Variants in SAMD3 observed in about 807,000 individuals in gnomAD.
SAMD3 encodes the protein sterile alpha motif domain-containing protein 3.
In SAMD3, 63 loss-of-function variants were observed where a neutral mutation model predicts 58.5. That is an observed-to-expected ratio of 1.08 (90% CI 0.88 to 1.33). The LOEUF is 1.33. Among genes scored for constraint, SAMD3 ranks in the 40% most tolerant of loss-of-function variants. The pLI, the probability that SAMD3 is intolerant of heterozygous loss-of-function variation, is 0.00. For synonymous variants in SAMD3, 220 were observed against 210.3 expected, an observed-to-expected ratio of 1.05 and a Z score of -0.40; for missense variants, 604 against 608.4, an observed-to-expected ratio of 0.99 and a Z score of 0.08.
Position 130,214,175 on chromosome 6 carries a change from A to T in SAMD3, c.269+162T>A, listed in dbSNP as rs540477132. Among the ~76,000 whole-genome samples, 20 of 152,290 alleles carry T rather than the reference A, an allele frequency of 1.3e-4. No individual in the cohort carries two copies. The South Asian group carries it at 3.9e-3, about 30-fold the overall frequency. On this transcript the variant is annotated intron_variant, in intron 4 of 11. Coordinates refer to ENST00000439090, the MANE Select transcript of SAMD3 (RefSeq NM_001017373.4). ...GAATAAAAACGTTTCTTGATTCTTA[A>T]AATTTTACAGTGTCCTTTGCTCAAA...
rs575044542 is a variant in SAMD3, at chr6:130,291,193, T to C, written c.-188+21785A>G. Reference sequence around the variant, plus strand: ...GGAACCTCTGCTTCCTGAGTTCAAGTGATTCTCCTGCCTCAGCCTCCCAAG... The same window carrying C: ...GGAACCTCTGCTTCCTGAGTTCAAGCGATTCTCCTGCCTCAGCCTCCCAAG... On this transcript the variant is annotated intron_variant, in intron 2 of 13. Coordinates refer to the SAMD3 transcript ENST00000368134. Among the ~76,000 whole-genome samples the C allele has an allele frequency of 1.9e-4, 29 of 152,274 alleles. No homozygotes were observed. The South Asian group carries it at 6.0e-3, about 32-fold the overall frequency.
chr6:130,276,732 A>G (rs1321718156), intron 2 of SAMD3, among the ~76,000 whole-genome samples: 1 of 152,116 alleles, frequency 6.6e-6, no homozygotes, highest in African/African-American at 2.4e-5. Flanking sequence ...GAAAGAGTTT[A>G]ATTAATGCAG....
At chr6:130,170,063 G>A (rs529190948) in intron 8 of SAMD3, among the ~76,000 whole-genome samples, 1 of 152,202 alleles carries the variant, frequency 6.6e-6, no homozygotes, top group South Asian at 2.1e-4. Flanking sequence ...TTAAGTTTTG[G>A]GATACATGTG....
intron 1 of SAMD3, among the ~76,000 whole-genome samples, chr6:130,351,665 G>A (rs1414417969): frequency 6.6e-6 from 1 of 151,948 alleles, no homozygotes; most frequent in African/African-American, 2.4e-5. Context: ...GGAAGTCAAT[G>A]TGATCTAGAA....
In SAMD3 at chr6:130,338,386, T is replaced by C. The variant is rs999443442; in HGVS notation, c.-303-25293A>G. 4.6e-5 allele frequency among the ~76,000 whole-genome samples: 7 copies of C among 152,074 alleles called. No individual in the cohort carries two copies. The South Asian group carries it at 8.3e-4, about 18-fold the overall frequency. On this transcript the variant is annotated intron_variant, in intron 1 of 13. Coordinates refer to the SAMD3 transcript ENST00000368134. ...ACAGAGAAATTCTGCTAGGGCAGTG[T>C]GAAAGGGAAATGTGGGGTTGTAGCC...
In SAMD3 at chr6:130,162,410, T is replaced by C. The variant is rs1196887107; in HGVS notation, c.823-7385A>G. 15 of 571,036 alleles carry C rather than the reference T, an allele frequency of 2.6e-5. No individual in the cohort carries two copies. The East Asian group carries it at 4.4e-4, about 17-fold the overall frequency. 35.4% of individuals were successfully genotyped at this position (571,036 alleles called of 1,614,324 possible). ...TTATCTCCCAGAAATGAATAAAAAC[T>C]CATCTTGACTTTTATAAAGATAACT... On this transcript the variant is annotated intron_variant, in intron 8 of 11. Transcript: ENST00000439090.
chr6:130,173,946 C>T (rs1023699519), intron 8 of SAMD3, among the ~76,000 whole-genome samples: 1 of 152,300 alleles, frequency 6.6e-6, no homozygotes, highest in East Asian at 1.9e-4. Flanking sequence ...TTGCTGTGTC[C>T]AGCCCAGACC....
At chr6:130,320,282 C>A (rs1260536396) in intron 1 of SAMD3, among the ~76,000 whole-genome samples, 2 of 151,902 alleles carry the variant, frequency 1.3e-5, no homozygotes, top group African/African-American at 4.8e-5. Context: ...AAATGAATAG[C>A]AAGTAGGTAG....
At chr6:130,250,981 G>A (rs1290110336) in intron 2 of SAMD3, among the ~76,000 whole-genome samples, 2 of 152,120 alleles carry the variant, frequency 1.3e-5, no homozygotes, top group East Asian at 3.8e-4. Flanking sequence ...TGGGTAATAT[G>A]ATAACCCTGT....
At chr6:130,194,592 C>G (rs927820572) in intron 5 of SAMD3, among the ~76,000 whole-genome samples, 1 of 152,210 alleles carries the variant, frequency 6.6e-6, no homozygotes, top group Non-Finnish European at 1.5e-5. Context: ...TTCTCCAGAA[C>G]CTCCTCTCCC....
chr6:130,308,395 A>ATTCTATTCT (rs1554273466), intron 2 of SAMD3, among the ~76,000 whole-genome samples: 231 of 142,696 alleles, frequency 1.6e-3, no homozygotes, highest in African/African-American at 2.4e-3. Context: ...ATTCTATTCT[A>ATTCTATTCT]TTCTATTCTA....
At chr6:130,225,894 G>A (rs1022909457), upstream of SAMD3, among the ~76,000 whole-genome samples, 1 of 152,162 alleles carries the variant, frequency 6.6e-6, no homozygotes, top group African/African-American at 2.4e-5. Context: ...AAGGAGAGAC[G>A]CCTAAGGAAA....
intron 1 of SAMD3, among the ~76,000 whole-genome samples, chr6:130,361,840 T>C (rs1282050645): frequency 6.6e-6 from 1 of 152,230 alleles, no homozygotes; most frequent in Admixed American, 6.5e-5. Flanking sequence ...ACTCACACAG[T>C]GCCTGAGAGA....
intron 2 of SAMD3, among the ~76,000 whole-genome samples, chr6:130,290,713 C>G (rs1775334643): frequency 1.3e-5 from 2 of 152,102 alleles, no homozygotes; most frequent in Non-Finnish European, 2.9e-5. Flanking sequence ...TCTGTTAAAC[C>G]ACCTTACAGA....
chr6:130,163,144 G>C (rs913695386), intron 8 of SAMD3, among the ~76,000 whole-genome samples: 11 of 150,018 alleles, frequency 7.3e-5, no homozygotes, highest in African/African-American at 2.3e-4. Flanking sequence ...CAACTATTTA[G>C]TATGCAAAAA....
chr6:130,266,095 G>T (rs1774341738), intron 2 of SAMD3, among the ~76,000 whole-genome samples: 1 of 152,100 alleles, frequency 6.6e-6, no homozygotes, highest in South Asian at 2.1e-4. Flanking sequence ...GAAAAAAGGG[G>T]AACGTGTAAC....
chr6:130,151,261 T>C (rs373986438), intron 9 of SAMD3, among the ~76,000 whole-genome samples: 2 of 8,974 alleles, frequency 2.2e-4, no homozygotes, highest in South Asian at 0.25. Flanking sequence ...GCACATCTTA[T>C]GTCTTTCCGT....
chr6:130,253,517 T>G (rs1773816409), intron 2 of SAMD3, among the ~76,000 whole-genome samples: 1 of 152,212 alleles, frequency 6.6e-6, no homozygotes, highest in East Asian at 1.9e-4. Flanking sequence ...TCCATTTTCT[T>G]GTCTTATTTG....
intron 7 of SAMD3, 144 bp downstream of exon 7, chr6:130,183,959 A>G (rs971944076): frequency 1.5e-6 from 1 of 656,464 alleles, no homozygotes; most frequent in African/African-American, 1.8e-5. Context: ...ACAGAAACAG[A>G]TAGACCTAGA....
Sources: allele counts gnomAD v4.1 joint callset (sites outside exome capture counted in the v4.1 genomes callset), GRCh38; gene constraint gnomAD v4.1.1; transcripts MANE v1.5; gene names NCBI Gene and HGNC (gene_info 2026-07-23, HGNC 2026-07-21).